RSRC1: variants seen among roughly 807,000 people sequenced by gnomAD.
RSRC1 encodes serine/Arginine-related protein 53.
Under a neutral mutation model 49.1 loss-of-function variants are expected in RSRC1, and 39 were observed. The observed-to-expected ratio is 0.79, with a 90% CI of 0.61 to 1.04. The LOEUF is 1.04. Ranked by LOEUF, RSRC1 falls within the 50% of genes least tolerant of loss-of-function variation. The probability of loss-of-function intolerance (pLI) is 0.00; values close to 1 mark genes in which losing one functional copy is unlikely to be tolerated. For synonymous variants in RSRC1, 143 were observed against 130.8 expected (o/e 1.09, Z -0.63); for missense variants, 388 against 402.4 (o/e 0.96, Z 0.31).
At chr3:158,161,529 AG>A (rs1234669304) in intron 3 of RSRC1, among the ~76,000 whole-genome samples, 1 of 152,194 alleles carries the variant, frequency 6.6e-6, no homozygotes, top group Non-Finnish European at 1.5e-5. Flanking sequence ...TGGGAGGCTG[AG>A]GCAGGTGGAT....
At chr3:158,427,520 T>G (rs1304835025) in intron 6 of RSRC1, among the ~76,000 whole-genome samples, 1 of 151,824 alleles carries the variant, frequency 6.6e-6, no homozygotes, top group Non-Finnish European at 1.5e-5. Context: ...AGTATAATAA[T>G]CAGATTGATT....
intron 7 of RSRC1, among the ~76,000 whole-genome samples, chr3:158,506,453 A>G (rs1739863929): frequency 6.6e-6 from 1 of 151,892 alleles, no homozygotes; most frequent in African/African-American, 2.4e-5. Context: ...GTATTTAGAG[A>G]CTCTTATTGT....
chr3:158,333,783 A>C (rs1437943203), intron 5 of RSRC1, among the ~76,000 whole-genome samples: 1 of 152,242 alleles, frequency 6.6e-6, no homozygotes. Context: ...TCTAAAGCAA[A>C]GAGAGAAATA....
chr3:158,237,093 C>CT (rs1255138082), intron 4 of RSRC1, among the ~76,000 whole-genome samples: 1 of 152,154 alleles, frequency 6.6e-6, no homozygotes, highest in African/African-American at 2.4e-5. Flanking sequence ...TCTTGACTCT[C>CT]TTTCAGTTAT....
chr3:158,147,018 T>G (rs1024363097), intron 3 of RSRC1, among the ~76,000 whole-genome samples: 1 of 151,610 alleles, frequency 6.6e-6, no homozygotes, highest in African/African-American at 2.4e-5. Context: ...CATGGCTGCT[T>G]GTGCTGCTGC....
intron 3 of RSRC1, among the ~76,000 whole-genome samples, chr3:158,154,606 A>C (rs1194472028): frequency 6.6e-6 from 1 of 151,936 alleles, no homozygotes; most frequent in Non-Finnish European, 1.5e-5. Flanking sequence ...CTGGGACTAC[A>C]GGCTCATGCC....
At chr3:158,489,754 A>G (rs1208314623) in intron 7 of RSRC1, among the ~76,000 whole-genome samples, 1 of 152,136 alleles carries the variant, frequency 6.6e-6, no homozygotes, top group Admixed American at 6.6e-5. Context: ...TTTGTTCTGT[A>G]ATTGAATACA....
intron 6 of RSRC1, among the ~76,000 whole-genome samples, chr3:158,430,421 A>G (rs1335261251): frequency 6.6e-6 from 1 of 151,834 alleles, no homozygotes; most frequent in Non-Finnish European, 1.5e-5. Context: ...TTTAAAAGTT[A>G]GCTGCTCTCT....
chr3:158,326,536 T>C (rs990737612), intron 5 of RSRC1, among the ~76,000 whole-genome samples: 1 of 152,196 alleles, frequency 6.6e-6, no homozygotes, highest in Non-Finnish European at 1.5e-5. Flanking sequence ...TTACATTTAT[T>C]GATTTGTGTA....
At chr3:158,330,111 G>A (rs958874410) in intron 5 of RSRC1, among the ~76,000 whole-genome samples, 2 of 152,336 alleles carry the variant, frequency 1.3e-5, no homozygotes, top group Non-Finnish European at 1.5e-5. Context: ...GGAGTGACCC[G>A]ATTTTCCAGG....
intron 5 of RSRC1, among the ~76,000 whole-genome samples, chr3:158,331,780 C>G (rs1189009162): frequency 6.7e-6 from 1 of 150,324 alleles, no homozygotes; most frequent in East Asian, 1.9e-4. Flanking sequence ...ATGCAAAAAA[C>G]CTGAATAAGA....
At chr3:158,158,928 G>C (rs1055556284) in intron 3 of RSRC1, among the ~76,000 whole-genome samples, 6 of 131,962 alleles carry the variant, frequency 4.5e-5, no homozygotes, top group African/African-American at 1.8e-4. Context: ...AACAGAGTGA[G>C]ACTCTGTCTC....
chr3:158,180,942 T>C (rs899902161), intron 3 of RSRC1, among the ~76,000 whole-genome samples: 1 of 151,446 alleles, frequency 6.6e-6, no homozygotes. Flanking sequence ...GTAGCTGGGA[T>C]TTCAGGCGCC....
At chr3:158,278,668 A>G (rs827096) in intron 4 of RSRC1, among the ~76,000 whole-genome samples, 1 of 151,954 alleles carries the variant, frequency 6.6e-6, no homozygotes, top group Admixed American at 6.6e-5. Context: ...TGTTCTTGCT[A>G]AAAGTCTAAT....
At chr3:158,123,842 A>G (rs1559909123) in intron 2 of RSRC1, 24 bp from the exon 3 acceptor site, 3 of 1,584,290 alleles carry the variant, frequency 1.9e-6, no homozygotes, top group Non-Finnish European at 1.7e-6. Flanking sequence ...TATAGCAGTG[A>G]TCTTTGATTA....
At chr3:158,514,629 A>G (rs1433055956) in intron 7 of RSRC1, among the ~76,000 whole-genome samples, 2 of 152,064 alleles carry the variant, frequency 1.3e-5, no homozygotes, top group Admixed American at 6.5e-5. Flanking sequence ...GATGTCTATT[A>G]TGTCCGCTTG....
At chr3:158,149,198 G>T (rs1266372944) in intron 3 of RSRC1, among the ~76,000 whole-genome samples, 1 of 152,154 alleles carries the variant, frequency 6.6e-6, no homozygotes, top group Non-Finnish European at 1.5e-5. Flanking sequence ...ACTCTTAAGT[G>T]TTTATAGTTG....
At chr3:158,138,611 C>G (rs764399591) in intron 3 of RSRC1, among the ~76,000 whole-genome samples, 7 of 152,286 alleles carry the variant, frequency 4.6e-5, no homozygotes, top group Non-Finnish European at 8.8e-5. Flanking sequence ...GCAGTCCCTG[C>G]TTTAAATGAA....
chr3:158,366,061 G>T (rs1261866847), intron 6 of RSRC1, among the ~76,000 whole-genome samples: 1 of 152,002 alleles, frequency 6.6e-6, no homozygotes, highest in African/African-American at 2.4e-5. Flanking sequence ...TTGCCAGATG[G>T]GTAGATTGCA....
Sources: allele counts gnomAD v4.1 joint callset (sites outside exome capture counted in the v4.1 genomes callset), GRCh38; gene constraint gnomAD v4.1.1; transcripts MANE v1.5; gene names NCBI Gene and HGNC (gene_info 2026-07-23, HGNC 2026-07-21).